DNM1L: variants seen among roughly 807,000 people sequenced by gnomAD.
DNM1L encodes dynamin 1L.
Under a neutral mutation model 92.8 loss-of-function variants are expected in DNM1L, and 33 were observed. The ratio of observed to expected loss-of-function variants is 0.36; its 90% CI spans 0.27 to 0.48. The LOEUF (loss-of-function observed/expected upper bound fraction) is 0.48. Ranked by LOEUF, DNM1L falls within the 20% of genes least tolerant of loss-of-function variation. The pLI is 0.99. For missense variants in DNM1L, 485 were observed against 888.8 expected (o/e 0.55, Z 5.78); for synonymous variants, 284 against 305.0 (o/e 0.93, Z 0.72).
At chr12:32,702,233 C>CAAAAAAAAAA (rs1179046487) in intron 2 of DNM1L, among the ~76,000 whole-genome samples, 8 of 81,296 alleles carry the variant, frequency 9.8e-5, no homozygotes, top group East Asian at 5.0e-4. Flanking sequence ...GACTCCGTCT[C>CAAAAAAAAAA]AAAAAAAAAA....
At chr12:32,738,369 A>G (rs1955047919) in intron 16 of DNM1L, 73 bp downstream of exon 16, 2 of 1,519,868 alleles carry the variant, frequency 1.3e-6, no homozygotes, top group South Asian at 1.1e-5. Context: ...TACCACCATT[A>G]AAGAACCTGT....
chr12:32,733,684 T>C (rs1433285318), intron 12 of DNM1L, 31 bp from the exon 13 acceptor site: 1 of 1,567,646 alleles, frequency 6.4e-7, no homozygotes, highest in Non-Finnish European at 8.8e-7. Context: ...TGATGTATTT[T>C]TGTATATCGC....
At chr12:32,703,237 T>C (rs184051289) in intron 2 of DNM1L, among the ~76,000 whole-genome samples, 3 of 152,242 alleles carry the variant, frequency 2.0e-5, no homozygotes, top group Admixed American at 2.0e-4. Flanking sequence ...TTTGTTTTTA[T>C]GTCCACTATG....
At chr12:32,680,276 A>G (rs1428896518) in intron 1 of DNM1L, among the ~76,000 whole-genome samples, 2 of 152,204 alleles carry the variant, frequency 1.3e-5, no homozygotes, top group South Asian at 2.1e-4. Flanking sequence ...GAGGAGAAGT[A>G]TAATTTTCCT....
intron 4 of DNM1L, among the ~76,000 whole-genome samples, chr12:32,708,664 A>C (rs1276225876): frequency 1.3e-5 from 2 of 152,120 alleles, no homozygotes; most frequent in Admixed American, 6.5e-5. Flanking sequence ...TATGAAAGCA[A>C]AAAGAGACAA....
At chr12:32,710,770 G>T (rs1171016916) in intron 4 of DNM1L, among the ~76,000 whole-genome samples, 159 bp from the exon 5 acceptor site, 1 of 152,056 alleles carries the variant, frequency 6.6e-6, no homozygotes, top group East Asian at 1.9e-4. Context: ...CTGGCTACCT[G>T]ACTTCCCATG....
At chr12:32,720,493 A>G (rs528411054) in intron 7 of DNM1L, among the ~76,000 whole-genome samples, 171 bp from the exon 8 acceptor site, 37 of 152,336 alleles carry the variant, frequency 2.4e-4, no homozygotes, top group Non-Finnish European at 4.6e-4. Flanking sequence ...TGTGAGCCTC[A>G]GTTCCTTGCT....
intron 1 of DNM1L, among the ~76,000 whole-genome samples, chr12:32,684,344 G>A (rs993529858): frequency 6.6e-6 from 1 of 152,222 alleles, no homozygotes; most frequent in Non-Finnish European, 1.5e-5. Flanking sequence ...ACTGGAAAAA[G>A]CAGGTATCAC....
chr12:32,707,372 G>A lies in DNM1L; in HGVS notation c.256G>A (p.Glu86Lys), dbSNP rs1952966523. ...RKTTGEENGV[E>K]AEEWGKFLHT... ...TGAGTTTTTCTTTTTTCCAGGGGTG[G>A]AAGCAGAAGAATGGGGTAAATTTCT... The change falls in exon 3 of 20, where the codon GAA (glutamate) becomes AAA (lysine). Residue 86 changes from glutamate to lysine, a missense_variant. By Grantham distance (56) the Glu-to-Lys change is moderately conservative. Around this residue, in one of 11 missense-constraint regions of DNM1L, gnomAD observed 159 missense variants for 275.9 expected, o/e 0.58. Transcript: ENST00000549701. The A allele has an allele frequency of 5.0e-6, 8 of 1,605,486 alleles. No homozygotes were observed. In the African/African-American group the frequency reaches 6.7e-5, roughly 13 times the overall value.
chr12:32,681,509 A>T (rs1207593789), intron 1 of DNM1L, among the ~76,000 whole-genome samples: 1 of 151,066 alleles, frequency 6.6e-6, no homozygotes, highest in Non-Finnish European at 1.5e-5. Flanking sequence ...GCAGGAGTGC[A>T]TGTCACTGCA....
intron 1 of DNM1L, among the ~76,000 whole-genome samples, chr12:32,695,865 CAG>C (rs1183270514): frequency 2.0e-5 from 3 of 151,968 alleles, no homozygotes; most frequent in Non-Finnish European, 4.4e-5. Flanking sequence ...GTAAACGTAA[CAG>C]ATAATACCTT....
At chr12:32,737,480 T>C (rs1954973053) in intron 14 of DNM1L, 1 of 387,764 alleles carries the variant, frequency 2.6e-6, no homozygotes, top group Non-Finnish European at 4.7e-6. Context: ...GATTTTATTA[T>C]AATAAGAGGG....
intron 3 of DNM1L, 26 bp downstream of exon 3, chr12:32,707,439 A>G (rs1487818759): frequency 6.6e-7 from 1 of 1,526,228 alleles, no homozygotes; most frequent in South Asian, 1.3e-5. Flanking sequence ...TATAATGAAG[A>G]AATAATGTTG....
rs1362063625 is a variant in DNM1L, at chr12:32,740,195, G to A, written c.1839G>A (p.Met613Ile). Residue 613 changes from methionine (M) to isoleucine (I), a missense_variant, in exon 17 of 20, where the codon ATG (methionine) becomes ATA (isoleucine). By Grantham distance (10) the Met-to-Ile change is conservative. Transcript: ENST00000549701. ...AEEKSKPIPI[M>I]PASPQKGHAV... is the part of the protein sequence containing the mutation. ...AAAAATCAAAACCCATTCCAATTAT[G>A]CCAGCCAGTCCACAAAAAGGTCATG... The A allele has an allele frequency of 1.2e-6, 2 of 1,614,136 alleles. No homozygotes were observed. Among genetic ancestry groups the A allele is most frequent in the Admixed American group, 1.7e-5 (1 of 60,016 alleles).
rs1386211588 is a variant in DNM1L, at chr12:32,743,638, CAA to C, written c.*229_*230del. The C allele has an allele frequency of 5.6e-6, 3 of 540,328 alleles. No individual in the cohort carries two copies. The highest frequency in any genetic ancestry group is 2.4e-5 in the South Asian group (1 of 41,796). 33.5% of individuals were successfully genotyped at this position (540,328 alleles called of 1,614,324 possible). A position where few individuals can be genotyped will look rare whatever the true frequency, so the allele number is the denominator to read the frequency against. On this transcript the variant is annotated 3_prime_UTR_variant, in exon 20 of 20. Transcript: ENST00000549701. Reference sequence around the variant, plus strand: ...GTTTCCCAGTATATATAAAATACATCAAGTCTGTCTTGTGACAGTTTCATCTG... The same window carrying C: ...GTTTCCCAGTATATATAAAATACATCGTCTGTCTTGTGACAGTTTCATCTG...
intron 6 of DNM1L, among the ~76,000 whole-genome samples, chr12:32,713,622 C>T (rs752238540): frequency 6.6e-6 from 1 of 151,958 alleles, no homozygotes; most frequent in Non-Finnish European, 1.5e-5. Flanking sequence ...AAAAATAATA[C>T]GGTGGCTTTG....
At chr12:32,734,588 C>T (rs921158718) in intron 13 of DNM1L, among the ~76,000 whole-genome samples, 1 of 152,154 alleles carries the variant, frequency 6.6e-6, no homozygotes, top group African/African-American at 2.4e-5. Context: ...AGGTGGATCA[C>T]CTGACATCAG....
rs1953108485 is a variant in DNM1L at position 32,711,104 on chromosome 12, C to T, written c.456+89C>T. ...AATAATCAGCTTCTTTTTGCAATCA[C>T]TTTGATCTGTTAGCAGCATTTGATA... On this transcript the variant is annotated intron_variant, in intron 5 of 19. Coordinates refer to ENST00000549701, the MANE Select transcript of DNM1L (RefSeq NM_012062.5). 4 of 1,131,018 alleles carry T rather than the reference C, an allele frequency of 3.5e-6. No homozygotes were observed. In the Admixed American group the frequency reaches 7.0e-5, roughly 20 times the overall value. 70.1% of individuals were successfully genotyped at this position (1,131,018 alleles called of 1,614,324 possible). A position where few individuals can be genotyped will look rare whatever the true frequency, so the allele number is the denominator to read the frequency against.
chr12:32,721,152 GT>G (rs1953783592), intron 8 of DNM1L, among the ~76,000 whole-genome samples: 1 of 152,158 alleles, frequency 6.6e-6, no homozygotes, highest in Non-Finnish European at 1.5e-5. Context: ...CTTAGAATGT[GT>G]TTTATTTACC....
Sources: gnomAD v4.1 joint callset for allele counts (sites outside exome capture counted in the v4.1 genomes callset) on GRCh38, gnomAD v4.1.1 for gene constraint, gnomAD v4.1.1 regional missense constraint, MANE v1.5 for transcripts, NCBI Gene and HGNC (gene_info 2026-07-23, HGNC 2026-07-21) for gene names.